The following COBLL1 variants were observed in gnomAD, a reference collection of about 807,000 sequenced individuals.
COBLL1 encodes cordon-bleu WH2 repeat protein like 1, also known as cordon-bleu protein-like 1.
COBLL1 carries 50 observed loss-of-function variants against 94.8 expected under a neutral mutation model. The ratio of observed to expected loss-of-function variants is 0.53; its 90% CI spans 0.42 to 0.67. The LOEUF is 0.67. Ranked by LOEUF, COBLL1 falls within the 30% of genes least tolerant of loss-of-function variation. The pLI, the probability that COBLL1 is intolerant of heterozygous loss-of-function variation, is 0.00. For synonymous variants in COBLL1, 448 were observed against 473.8 expected, an observed-to-expected ratio of 0.95 and a Z score of 0.71; for missense variants, 1,362 against 1,348.7, an observed-to-expected ratio of 1.01 and a Z score of -0.15.
intron 2 of COBLL1, among the ~76,000 whole-genome samples, chr2:164,777,181 TG>T (rs1386131346): frequency 1.0e-3 from 1 of 1,000 alleles, no homozygotes; most frequent in African/African-American, 0.011. Flanking sequence ...AATTGTAGCT[TG>T]ATTTTTTTTT....
chr2:164,727,148 C>T (rs777791708), intron 5 of COBLL1: 2 of 1,496,590 alleles, frequency 1.3e-6, no homozygotes, highest in East Asian at 5.0e-5. Context: ...GAAGTGGCTA[C>T]AGAAGGAGGG....
At chr2:164,736,623 T>C (rs528306271) in intron 3 of COBLL1, among the ~76,000 whole-genome samples, 4 of 152,262 alleles carry the variant, frequency 2.6e-5, no homozygotes, top group African/African-American at 9.6e-5. Flanking sequence ...AATTGTGATT[T>C]AAGAACACAC....
intron 2 of COBLL1, among the ~76,000 whole-genome samples, chr2:164,783,671 A>T (rs978098104): frequency 1.3e-5 from 2 of 152,132 alleles, no homozygotes; most frequent in African/African-American, 2.4e-5. Flanking sequence ...AAATGAAGTT[A>T]AAACCATCAC....
intron 2 of COBLL1, among the ~76,000 whole-genome samples, chr2:164,778,028 G>A (rs1264300900): frequency 6.6e-6 from 1 of 152,158 alleles, no homozygotes; most frequent in Non-Finnish European, 1.5e-5. Context: ...ACTGTTATCT[G>A]TTCCTATGCA....
intron 1 of COBLL1, among the ~76,000 whole-genome samples, chr2:164,672,315 A>T (rs1241408439): frequency 1.3e-5 from 2 of 152,220 alleles, no homozygotes; most frequent in African/African-American, 4.8e-5. Context: ...ACTTCACCAT[A>T]GCTCATTGTA....
chr2:164,841,975 C>A (rs762926514), upstream of COBLL1: 1 of 1,539,690 alleles, frequency 6.5e-7, no homozygotes, highest in South Asian at 1.2e-5. This position sits in a 1 kb window ranked among gnomAD's most constrained non-coding sequence, Gnocchi z 5.5. Flanking sequence ...ATTTCCCTGC[C>A]CGGAGTCCGG....
In COBLL1 at chr2:164,704,368, G is replaced by A. The variant is rs146177159; in HGVS notation, c.1225+76C>T. On this transcript the variant is annotated intron_variant, in intron 9 of 13. Coordinates refer to ENST00000652658, the MANE Select transcript of COBLL1 (RefSeq NM_001365672.2). Reference sequence around the variant, plus strand: ...GTATCTCTTTCATGTACAAAGCATCGCAAATGGACTCATTTCTCAATTATC... The same window carrying A: ...GTATCTCTTTCATGTACAAAGCATCACAAATGGACTCATTTCTCAATTATC... 1,329 of 962,500 alleles carry A rather than the reference G, an allele frequency of 1.4e-3. 12 individuals carry two copies. In the African/African-American group the frequency reaches 0.019, roughly 14 times the overall value. 59.6% of individuals were successfully genotyped at this position (962,500 alleles called of 1,614,324 possible).
At chr2:164,761,110 T>G (rs1221812655) in intron 2 of COBLL1, among the ~76,000 whole-genome samples, 1 of 152,114 alleles carries the variant, frequency 6.6e-6, no homozygotes, top group Non-Finnish European at 1.5e-5. Context: ...ATGGATCTAT[T>G]TAATAATGCA....
At chr2:164,763,647 G>C (rs1250288868) in intron 2 of COBLL1, among the ~76,000 whole-genome samples, 1 of 152,042 alleles carries the variant, frequency 6.6e-6, no homozygotes, top group Non-Finnish European at 1.5e-5. Context: ...TCATGAAAAG[G>C]AATGAAAAAG....
chr2:164,757,775 G>A (rs1247351175), intron 2 of COBLL1, among the ~76,000 whole-genome samples: 1 of 151,926 alleles, frequency 6.6e-6, no homozygotes, highest in Middle Eastern at 3.4e-3. Flanking sequence ...TCATGCCACT[G>A]CACTCCAGCC....
chr2:164,725,133 T>TATAA (rs1301429291), intron 5 of COBLL1: 4 of 56,172 alleles, frequency 7.1e-5, no homozygotes, highest in Non-Finnish European at 1.4e-4. Context: ...TATATATATA[T>TATAA]AAAATGAAAG....
At chr2:164,731,529 T>C (rs573985323) in intron 3 of COBLL1, among the ~76,000 whole-genome samples, 10 of 152,194 alleles carry the variant, frequency 6.6e-5, no homozygotes, top group Admixed American at 1.3e-4. Context: ...AAATCTTTGG[T>C]ATCATGTGCT....
chr2:164,675,831 AAAG>A (rs1179847078), downstream of COBLL1, among the ~76,000 whole-genome samples: 1 of 152,182 alleles, frequency 6.6e-6, no homozygotes, highest in Non-Finnish European at 1.5e-5. Flanking sequence ...CTTTAAATTG[AAAG>A]ACAGATAACA....
At chr2:164,806,787 C>T (rs1440315004) in intron 2 of COBLL1, among the ~76,000 whole-genome samples, 1 of 152,160 alleles carries the variant, frequency 6.6e-6, no homozygotes, top group African/African-American at 2.4e-5. Flanking sequence ...GTGGCCTCTA[C>T]CTCTCGAGTT....
chr2:164,676,373 C>T (rs1691335816), downstream of COBLL1, among the ~76,000 whole-genome samples: 3 of 152,074 alleles, frequency 2.0e-5, no homozygotes, highest in African/African-American at 7.2e-5. Context: ...TAAAACCTGA[C>T]CTTTATTTGC....
Position 164,694,380 on chromosome 2 carries a change from G to A in COBLL1, c.3012C>T (p.Thr1004=), listed in dbSNP as rs777149490. The part of the protein sequence containing the change: ...KRSQSFSKER[T]ESPSASALVQ... The stretch of plus-strand genomic sequence containing the variant: ...CCAATGCACTGGCACTAGGTGACTC[G>A]GTGCGCTCTTTACTGAAAGACTGTG... The change falls in exon 12 of 14, where the codon ACC becomes ACT. Residue 1004 remains threonine (T), a synonymous_variant. Coordinates refer to ENST00000652658, the MANE Select transcript of COBLL1 (RefSeq NM_001365672.2). The A allele has an allele frequency of 2.6e-5, 42 of 1,613,838 alleles. No homozygotes were observed. Among genetic ancestry groups the A allele is most frequent in the African/African-American group, 2.4e-4 (18 of 74,882 alleles).
intron 13 of COBLL1, among the ~76,000 whole-genome samples, chr2:164,691,608 T>C (rs889650652): frequency 6.6e-6 from 1 of 152,148 alleles, no homozygotes; most frequent in Non-Finnish European, 1.5e-5. Context: ...GAAATTCACC[T>C]GAAAAGAATT....
intron 2 of COBLL1, among the ~76,000 whole-genome samples, chr2:164,819,919 G>T: frequency 6.7e-6 from 1 of 150,358 alleles, no homozygotes; most frequent in South Asian, 2.1e-4. Flanking sequence ...TCTGCCCCCT[G>T]GGTTCAAGCA....
At chr2:164,667,049 A>G (rs1691170891) in intron 1 of COBLL1, among the ~76,000 whole-genome samples, 2 of 152,136 alleles carry the variant, frequency 1.3e-5, no homozygotes, top group Admixed American at 1.3e-4. Flanking sequence ...TATGTAAGGT[A>G]TAGCCCCACA....
Sources: allele counts gnomAD v4.1 joint callset (sites outside exome capture counted in the v4.1 genomes callset), GRCh38; gene constraint gnomAD v4.1.1; non-coding constraint Gnocchi (gnomAD v3.1); transcripts MANE v1.5; gene names NCBI Gene and HGNC (gene_info 2026-07-23, HGNC 2026-07-21).